Variants in COCH observed in about 807,000 individuals in gnomAD.
The protein encoded by COCH is coagulation factor C homolog, cochlin (Limulus polyphemus).
A neutral mutation model predicts 54.8 loss-of-function variants in COCH; 40 were observed. The observed-to-expected ratio is 0.73, with a 90% confidence interval of 0.57 to 0.95. The LOEUF (loss-of-function observed/expected upper bound fraction) is 0.95. Among genes scored for constraint, COCH ranks in the 40% least tolerant of loss-of-function variants. The pLI is 0.00. For missense variants in COCH, 605 were observed against 675.0 expected, an observed-to-expected ratio of 0.90 and a Z score of 1.15; for synonymous variants, 256 against 237.9, an observed-to-expected ratio of 1.08 and a Z score of -0.70.
Position 30,886,008 on chromosome 14 carries a change from C to A in COCH, c.1173C>A (p.Ser391=). 1 of 1,614,168 alleles carries A rather than the reference C, an allele frequency of 6.2e-7. No individual in the cohort carries two copies. The highest frequency in any genetic ancestry group is 8.5e-7 in the Non-Finnish European group (1 of 1,180,024). Residue 391 remains serine (S), a synonymous_variant, in exon 11 of 12, where the codon TCC becomes TCA. Coordinates refer to ENST00000396618, the MANE Select transcript of COCH (RefSeq NM_004086.3). ...SNFRLMLEFV[S]NIAKTFEISD... Reference sequence around the variant, plus strand: ...TCCGCCTCATGCTTGAATTTGTTTCCAACATAGCCAAGACTTTTGAAATCT... The same window carrying A: ...TCCGCCTCATGCTTGAATTTGTTTCAAACATAGCCAAGACTTTTGAAATCT...
rs531917752 is a variant in COCH at position 30,877,771 on chromosome 14, A to G, written c.239+43A>G. The G allele has an allele frequency of 3.4e-5, 55 of 1,612,976 alleles. 1 individual carries two copies. In the South Asian group the frequency reaches 5.8e-4, roughly 17 times the overall value. ...AGGGTGGGAGAGAAATGCAGACGTG[A>G]TTATTTCCTTTCCTGCTTTACCCAT... is the stretch of plus-strand genomic sequence containing the variant. On this transcript the variant is annotated intron_variant, in intron 4 of 11. Coordinates refer to ENST00000396618, the MANE Select transcript of COCH (RefSeq NM_004086.3). The surrounding 1 kb of genome is among the most constrained non-coding windows in gnomAD (Gnocchi z 8.6).
intron 8 of COCH, among the ~76,000 whole-genome samples, 181 bp downstream of exon 8, chr14:30,880,915 C>T (rs1895557353): frequency 6.6e-6 from 1 of 152,092 alleles, no homozygotes; most frequent in Non-Finnish European, 1.5e-5. Context: ...GTGTTGGATA[C>T]ATTCAAAATC....
intron 6 of COCH, among the ~76,000 whole-genome samples, chr14:30,879,705 G>A (rs1022359696): frequency 1.2e-4 from 19 of 152,192 alleles, no homozygotes; most frequent in African/African-American, 1.2e-4. Context: ...GTACAGTGGT[G>A]CAATCATAGC....
intron 4 of COCH, among the ~76,000 whole-genome samples, chr14:30,878,390 G>C (rs1895446938): frequency 6.6e-6 from 1 of 152,198 alleles, no homozygotes; most frequent in Non-Finnish European, 1.5e-5. Context: ...GCTGGGAGTG[G>C]TGGCTCACAC....
rs1594385065 is a variant in COCH, at chr14:30,885,950, T to C, written c.1115T>C (p.Ile372Thr). 2.5e-6 allele frequency: 4 copies of C among 1,614,218 alleles called. No individual in the cohort carries two copies. Among genetic ancestry groups the C allele is most frequent in the East Asian group, 2.2e-5 (1 of 44,886 alleles). The change falls in exon 11 of 12, where the codon ATT becomes ACT. Residue 372 changes from isoleucine (I) to threonine (T), a missense_variant. Physicochemically the swap from Ile to Thr is moderately conservative, Grantham distance 89 (BLOSUM62 -1). Coordinates refer to ENST00000396618, the MANE Select transcript of COCH (RefSeq NM_004086.3). ...CYNSVNIAFL[I>T]DGSSSVGDSN... is the part of the protein sequence containing the mutation. ...AACTCAGTGAACATTGCCTTTCTAA[T>C]TGATGGCTCCAGCAGTGTTGGAGAT...
chr14:30,886,481 A>T (rs541742173), intron 11 of COCH, among the ~76,000 whole-genome samples, 169 bp downstream of exon 11: 92 of 152,236 alleles, frequency 6.0e-4, no homozygotes, highest in Non-Finnish European at 1.1e-3. Flanking sequence ...AAGGAAGCAA[A>T]CTTCCTGGAA....
rs7158281 is a variant in COCH, at chr14:30,875,307, C to T, written c.82+204C>T. The T allele has an allele frequency of 8.0e-5, 58 of 721,900 alleles. 1 individual carries two copies. The African/African-American group carries it at 9.4e-4, about 12-fold the overall frequency. 44.7% of individuals were successfully genotyped at this position (721,900 alleles called of 1,614,324 possible). On this transcript the variant is annotated intron_variant, in intron 3 of 11. Transcript: ENST00000396618. The stretch of plus-strand genomic sequence containing the variant: ...CACCTGTTTCTCCCATGGTAGGGGG[C>T]CCCTGGGGTCCAGTGGGGGGACGTT...
Position 30,878,836 on chromosome 14 carries a change from C to G in COCH, c.265C>G (p.Pro89Ala), listed in dbSNP as rs1895466948. The stretch of plus-strand genomic sequence containing the variant: ...GGGAGTAATCAGCAACTCAGGGGGA[C>G]CTGTACGAGTCTATAGCCTACCTGG... ...HRGVISNSGG[P>A]VRVYSLPGRE... The change falls in exon 5 of 12, where the codon CCT (proline) becomes GCT (alanine). Residue 89 changes from proline to alanine, a missense_variant. Pro to Ala is a conservative substitution (Grantham distance 27). Transcript: ENST00000396618. 2.5e-6 allele frequency: 4 copies of G among 1,614,080 alleles called. No individual in the cohort carries two copies. Among genetic ancestry groups the G allele is most frequent in the Non-Finnish European group, 3.4e-6 (4 of 1,180,014 alleles).
chr14:30,894,490 T>C (rs1896074886), downstream of COCH: 1 of 152,698 alleles, frequency 6.5e-6, no homozygotes, highest in South Asian at 2.1e-4. Context: ...AATAAACTTG[T>C]AAATACAGTA....
chr14:30,885,363 G>C (rs375794181), intron 9 of COCH, 31 bp from the exon 10 acceptor site: 6 of 1,536,822 alleles, frequency 3.9e-6, no homozygotes, highest in East Asian at 2.2e-5. Flanking sequence ...CAGTGGTAAA[G>C]GCTATTTGTT....
chr14:30,879,712 T>C (rs899935205), intron 6 of COCH, among the ~76,000 whole-genome samples: 1 of 152,226 alleles, frequency 6.6e-6, no homozygotes, highest in Non-Finnish European at 1.5e-5. Flanking sequence ...GGTGCAATCA[T>C]AGCTCACTGC....
intron 11 of COCH, among the ~76,000 whole-genome samples, chr14:30,888,241 G>T (rs1895858433): frequency 6.6e-6 from 1 of 151,296 alleles, no homozygotes; most frequent in Admixed American, 6.6e-5. Context: ...AAAATATTTT[G>T]ACTTTTTTTT....
At chr14:30,884,865 T>C (rs1185948179) in intron 9 of COCH, 2 of 1,524,642 alleles carry the variant, frequency 1.3e-6, no homozygotes, top group Non-Finnish European at 1.7e-6. Flanking sequence ...TTTTAAAAAA[T>C]ATAAAGCATG....
At chr14:30,887,960 G>A (rs113606505) in intron 11 of COCH, among the ~76,000 whole-genome samples, 3 of 152,264 alleles carry the variant, frequency 2.0e-5, no homozygotes, top group African/African-American at 7.2e-5. Context: ...GTTGATTAAA[G>A]TTCAGGAGGC....
At chr14:30,895,337 A>G, downstream of COCH, 1 of 1,454,970 alleles carries the variant, frequency 6.9e-7, no homozygotes, top group Non-Finnish European at 9.2e-7. Context: ...CATATCAGTA[A>G]CCTTTCTGAT....
Position 30,882,640 on chromosome 14 carries a change from C to T in COCH, c.629+1906C>T, listed in dbSNP as rs1895654647. Among the ~76,000 whole-genome samples the T allele has an allele frequency of 3.3e-5, 5 of 152,150 alleles. No homozygotes were observed. In the South Asian group the frequency reaches 1.0e-3, roughly 32 times the overall value. On this transcript the variant is annotated intron_variant, in intron 8 of 11. Coordinates refer to ENST00000396618, the MANE Select transcript of COCH (RefSeq NM_004086.3). ...ACATTACACACTACACTGTGATGAACATCCTTATATCATCTTTGTGCCCAT... is the reference window on the plus strand; with the variant it reads ...ACATTACACACTACACTGTGATGAATATCCTTATATCATCTTTGTGCCCAT...
intron 6 of COCH, 98 bp from the exon 7 acceptor site, chr14:30,880,354 A>G: frequency 6.5e-7 from 1 of 1,545,444 alleles, no homozygotes; most frequent in Non-Finnish European, 8.8e-7. Flanking sequence ...AAGTCCTTTC[A>G]AGAATGGCAC....
At chr14:30,885,021 C>A in intron 9 of COCH, 1 of 1,598,254 alleles carries the variant, frequency 6.3e-7, no homozygotes, top group Non-Finnish European at 8.5e-7. Flanking sequence ...ACCGTTGACT[C>A]TGAAGAGAGA....
downstream of COCH, among the ~76,000 whole-genome samples, chr14:30,891,536 C>G (rs1022889832): frequency 1.1e-4 from 17 of 152,270 alleles, no homozygotes; most frequent in African/African-American, 4.1e-4. Flanking sequence ...GAGAAGACAA[C>G]CTCCCCTTTT....
Sources: gnomAD v4.1 joint callset for allele counts (sites outside exome capture counted in the v4.1 genomes callset) on GRCh38, gnomAD v4.1.1 for gene constraint, Gnocchi (gnomAD v3.1) non-coding constraint, MANE v1.5 for transcripts, NCBI Gene and HGNC (gene_info 2026-07-23, HGNC 2026-07-21) for gene names.